Variants in SYT9 observed in about 807,000 individuals in gnomAD.
SYT9 encodes synaptotagmin-9.
Under a neutral mutation model 48.4 loss-of-function variants are expected in SYT9, and 22 were observed. That is an observed-to-expected ratio of 0.45 (90% confidence interval 0.32 to 0.65). The LOEUF (loss-of-function observed/expected upper bound fraction) is 0.65, where lower values mean the gene tolerates loss of function less well. Among genes scored for constraint, SYT9 ranks in the 30% least tolerant of loss-of-function variants. SYT9 has a pLI of 0.03. For synonymous variants in SYT9, 265 were observed against 245.0 expected (o/e 1.08, Z -0.76); for missense variants, 577 against 622.0 (o/e 0.93, Z 0.77).
In SYT9 at chr11:7,313,787, A is replaced by G. The variant is rs2133953478; in HGVS notation, c.890A>G (p.Asp297Gly). ...EVFLFPVPYN[D>G]LEARKLHFSV... ...TTTTTATTTCCGGTTCCCTACAATGACCTTGAAGCACGGAAGCTTCACTTC... is the reference window on the plus strand; with the variant it reads ...TTTTTATTTCCGGTTCCCTACAATGGCCTTGAAGCACGGAAGCTTCACTTC... The change falls in exon 3 of 7, where the codon GAC becomes GGC. Residue 297 changes from aspartate (D) to glycine (G), a missense_variant. Coordinates refer to ENST00000318881, the MANE Select transcript of SYT9 (RefSeq NM_175733.4). The G allele has an allele frequency of 6.2e-7, 1 of 1,614,160 alleles. No homozygotes were observed. The highest frequency in any genetic ancestry group is 1.1e-5 in the South Asian group (1 of 91,080).
rs568124473 is a variant in SYT9, at chr11:7,365,215, C to A, written c.1045-50827C>A. Among the ~76,000 whole-genome samples the A allele has an allele frequency of 2.0e-5, 3 of 151,860 alleles. No individual in the cohort carries two copies. In the South Asian group the frequency reaches 6.2e-4, roughly 32 times the overall value. ...AAAGCGATGAAATTACTAAGAAATC[C>A]TCAAGATGGGGTGGGGAAATGGGAA... On this transcript the variant is annotated intron_variant, in intron 3 of 6. Coordinates refer to ENST00000318881, the MANE Select transcript of SYT9 (RefSeq NM_175733.4).
intron 3 of SYT9, among the ~76,000 whole-genome samples, chr11:7,391,579 G>T (rs1846610929): frequency 6.6e-6 from 1 of 151,442 alleles, no homozygotes; most frequent in Non-Finnish European, 1.5e-5. Flanking sequence ...TATGTTTATT[G>T]AATGCTTATA....
intron 1 of SYT9, among the ~76,000 whole-genome samples, chr11:7,297,081 T>TGAGA (rs1251698728): frequency 1.4e-4 from 16 of 117,794 alleles, no homozygotes; most frequent in African/African-American, 3.0e-4. Flanking sequence ...TGTGTGTGTG[T>TGAGA]GTGTGAGAGA....
intron 6 of SYT9, among the ~76,000 whole-genome samples, chr11:7,443,315 T>C (rs541503795): frequency 2.9e-4 from 44 of 152,274 alleles, no homozygotes; most frequent in African/African-American, 9.9e-4. Context: ...GAAATAGACA[T>C]AAGAAAATAA....
chr11:7,382,387 T>G (rs966156993), intron 3 of SYT9, among the ~76,000 whole-genome samples: 2 of 152,174 alleles, frequency 1.3e-5, no homozygotes, highest in Admixed American at 6.5e-5. Context: ...AGAGATATGA[T>G]GACTACCAGA....
At chr11:7,351,568 T>A (rs6578851) in intron 3 of SYT9, among the ~76,000 whole-genome samples, 6 of 152,106 alleles carry the variant, frequency 3.9e-5, no homozygotes, top group East Asian at 3.9e-4. Flanking sequence ...CATCTCCTTT[T>A]GTAAACACCA....
intron 1 of SYT9, among the ~76,000 whole-genome samples, chr11:7,285,448 C>T (rs1239235732): frequency 6.6e-6 from 1 of 152,136 alleles, no homozygotes; most frequent in African/African-American, 2.4e-5. Context: ...AATTCAATTA[C>T]CTCCCACCAG....
rs769750625 is a variant in SYT9, at chr11:7,420,509, A to G, written c.1341A>G (p.Val447=). 6.2e-7 allele frequency: 1 copy of G among 1,614,188 alleles called. No individual in the cohort carries two copies. The highest frequency in any genetic ancestry group is 1.7e-5 in the Admixed American group (1 of 60,030). ...LSIAVMDYDR[V]GHNEIIGVCQ... is the part of the protein sequence containing the mutation. ...CTATTGTGGGCCATTTTCACAGTGT[A>G]GGTCACAATGAGATCATCGGCGTGT... The change falls in exon 6 of 7, where the codon GTA becomes GTG. Residue 447 remains valine (V), a synonymous_variant. Transcript: ENST00000318881.
chr11:7,253,384 G>A (rs1847909381), intron 1 of SYT9, among the ~76,000 whole-genome samples: 1 of 152,168 alleles, frequency 6.6e-6, no homozygotes, highest in South Asian at 2.1e-4. Context: ...AAATTATGAT[G>A]TACGAATTGA....
intron 2 of SYT9, among the ~76,000 whole-genome samples, chr11:7,306,854 G>C (rs1849042530): frequency 6.6e-6 from 1 of 152,110 alleles, no homozygotes; most frequent in South Asian, 2.1e-4. Flanking sequence ...TCTAGACTGA[G>C]TTCTGTGAGC....
intron 5 of SYT9, 121 bp downstream of exon 5, chr11:7,418,249 T>C (rs1847289100): frequency 5.6e-6 from 6 of 1,064,954 alleles, no homozygotes; most frequent in Non-Finnish European, 8.2e-6. Context: ...ATGAGTCAAC[T>C]AGCAGTGCAT....
chr11:7,416,780 CA>C (rs1184418711), intron 4 of SYT9, among the ~76,000 whole-genome samples: 3 of 152,144 alleles, frequency 2.0e-5, no homozygotes, highest in African/African-American at 7.2e-5. Context: ...TTGTGGATAA[CA>C]AGGGACAATA....
At chr11:7,240,501 G>A (rs1847729717) in intron 1 of SYT9, among the ~76,000 whole-genome samples, 1 of 152,052 alleles carries the variant, frequency 6.6e-6, no homozygotes, top group Non-Finnish European at 1.5e-5. Flanking sequence ...AAATGTCATA[G>A]TAAATGGCTG....
chr11:7,432,163 G>T (rs1847587582), intron 6 of SYT9, among the ~76,000 whole-genome samples: 1 of 152,192 alleles, frequency 6.6e-6, no homozygotes, highest in African/African-American at 2.4e-5. Flanking sequence ...AACCATAGGG[G>T]CAGAGCTGCC....
intron 1 of SYT9, among the ~76,000 whole-genome samples, chr11:7,272,444 C>A (rs901642402): frequency 2.0e-5 from 3 of 152,040 alleles, no homozygotes; most frequent in Admixed American, 6.6e-5. Flanking sequence ...CATCTTATCC[C>A]CTCTTACTTC....
chr11:7,436,177 G>T (rs1221838350), intron 6 of SYT9, among the ~76,000 whole-genome samples: 1 of 152,208 alleles, frequency 6.6e-6, no homozygotes, highest in Non-Finnish European at 1.5e-5. Flanking sequence ...CATGCTAAGA[G>T]AACATTAGGT....
intron 3 of SYT9, among the ~76,000 whole-genome samples, chr11:7,315,689 G>C (rs559246668): frequency 3.3e-5 from 5 of 152,166 alleles, no homozygotes; most frequent in Non-Finnish European, 7.3e-5. Flanking sequence ...GATGATCCCT[G>C]GTGGGAACGA....
intron 1 of SYT9, among the ~76,000 whole-genome samples, chr11:7,298,366 A>G (rs1386708294): frequency 6.6e-6 from 1 of 150,448 alleles, no homozygotes; most frequent in East Asian, 2.0e-4. Flanking sequence ...CACAATTCTC[A>G]CCCTTGGTTG....
rs1425428163 is a variant in SYT9 at position 7,458,965 on chromosome 11, T to C, written c.1468-7827T>C. ...ATAATGACAAGGTTGGACGTGAGAA[T>C]ACCCATTAGGAGTCTACTGCTATAA... On this transcript the variant is annotated intron_variant, in intron 6 of 6. Coordinates refer to ENST00000318881, the MANE Select transcript of SYT9 (RefSeq NM_175733.4). 2.0e-5 allele frequency among the ~76,000 whole-genome samples: 3 copies of C among 152,224 alleles called. No individual in the cohort carries two copies. In the East Asian group the frequency reaches 5.8e-4, roughly 29 times the overall value.
Sources: gnomAD v4.1 joint callset for allele counts (sites outside exome capture counted in the v4.1 genomes callset) on GRCh38, gnomAD v4.1.1 for gene constraint, MANE v1.5 for transcripts, NCBI Gene and HGNC (gene_info 2026-07-23, HGNC 2026-07-21) for gene names.